Variants in PTPRN2 observed in about 807,000 individuals in gnomAD.
The protein encoded by PTPRN2 is protein tyrosine phosphatase receptor type N2, also known as receptor-type tyrosine-protein phosphatase N2.
In PTPRN2, 74 loss-of-function variants were observed where a neutral mutation model predicts 118.8. That is an observed-to-expected ratio of 0.62 (90% confidence interval 0.52 to 0.76). The LOEUF (loss-of-function observed/expected upper bound fraction) is 0.76, where lower values mean the gene tolerates loss of function less well. Ranked by LOEUF, PTPRN2 falls within the 30% of genes least tolerant of loss-of-function variation. The pLI, the probability that PTPRN2 is intolerant of heterozygous loss-of-function variation, is 0.00. For synonymous variants in PTPRN2, 641 were observed against 608.0 expected (o/e 1.05, Z -0.80); for missense variants, 1,481 against 1,394.4 (o/e 1.06, Z -0.99).
chr7:158,097,693 T>C (rs1244361577), intron 10 of PTPRN2, among the ~76,000 whole-genome samples: 1 of 152,156 alleles, frequency 6.6e-6, no homozygotes, highest in Non-Finnish European at 1.5e-5. Context: ...ACAGCCACAA[T>C]CACGTCGTAA....
At chr7:158,167,709 T>C (rs1823159081) in intron 5 of PTPRN2, among the ~76,000 whole-genome samples, 1 of 152,220 alleles carries the variant, frequency 6.6e-6, no homozygotes, top group South Asian at 2.1e-4. Context: ...TCAGTCTCTA[T>C]GGAGGAGTCT....
Position 157,925,787 on chromosome 7 carries a change from G to A in PTPRN2, c.1724-27050C>T, listed in dbSNP as rs981933530. 1.8e-4 allele frequency among the ~76,000 whole-genome samples: 27 copies of A among 146,772 alleles called. 1 individual carries two copies. Among genetic ancestry groups the A allele is most frequent in the Admixed American group, 6.7e-5 (1 of 15,024 alleles). ...TAGAGACGCGTCACAGAGAAACGAC[G>A]CTGAATCACCAGCCACCGAGACAAT... On this transcript the variant is annotated intron_variant, in intron 11 of 22. Coordinates refer to ENST00000389418, the MANE Select transcript of PTPRN2 (RefSeq NM_002847.5).
chr7:158,292,960 A>G (rs1459573010), intron 3 of PTPRN2, among the ~76,000 whole-genome samples: 1 of 151,992 alleles, frequency 6.6e-6, no homozygotes, highest in Non-Finnish European at 1.5e-5. Context: ...CCCAGCTACT[A>G]GGGAGGCTGA....
intron 12 of PTPRN2, chr7:157,738,918 G>C (rs1350265393): frequency 6.6e-6 from 1 of 152,238 alleles, no homozygotes; most frequent in Non-Finnish European, 1.5e-5. Flanking sequence ...AAAAGAGTCA[G>C]GAGAGAGGGG....
At chr7:158,306,872 T>G (rs10234124) in intron 3 of PTPRN2, among the ~76,000 whole-genome samples, 102,697 of 123,984 alleles carry the variant, frequency 0.83, 41,757 homozygotes, top group Middle Eastern at 0.9. Flanking sequence ...TTTTTTTTTT[T>G]TTTTTTTTTT....
chr7:157,992,085 C>G (rs990791110), intron 11 of PTPRN2, among the ~76,000 whole-genome samples: 3 of 152,206 alleles, frequency 2.0e-5, no homozygotes, highest in Non-Finnish European at 4.4e-5. Context: ...CTGGTGGTCC[C>G]CATGTGCCAC....
At position 158,370,318 on chromosome 7, in the gene PTPRN2, C is replaced by T. The variant is rs113509711; in HGVS notation, c.164-53386G>A. Among the ~76,000 whole-genome samples, 330 of 152,254 alleles carry T rather than the reference C, an allele frequency of 2.2e-3. 1 individual carries two copies. Among genetic ancestry groups the T allele is most frequent in the African/African-American group, 7.4e-3 (308 of 41,540 alleles). On this transcript the variant is annotated intron_variant, in intron 2 of 22. Transcript: ENST00000389418. ...CTAGGTATGGTGACACACCTGTAGT[C>T]CCAGTTACTCGAGAGGCTGAGGCAG...
At chr7:158,399,564 G>A (rs1812779939) in intron 2 of PTPRN2, among the ~76,000 whole-genome samples, 1 of 152,170 alleles carries the variant, frequency 6.6e-6, no homozygotes, top group African/African-American at 2.4e-5. Flanking sequence ...GCTGAGGCAG[G>A]AGGATTACTT....
chr7:158,107,128 G>C (rs1052494840), intron 10 of PTPRN2, among the ~76,000 whole-genome samples: 3 of 151,956 alleles, frequency 2.0e-5, no homozygotes, highest in African/African-American at 7.3e-5. Context: ...GCCCCACATC[G>C]CTGCTGCCCC....
chr7:158,116,527 C>A (rs1234948514), intron 9 of PTPRN2, among the ~76,000 whole-genome samples: 1 of 152,240 alleles, frequency 6.6e-6, no homozygotes, highest in African/African-American at 2.4e-5. Context: ...GAGCAGCCTG[C>A]ACACACTGGC....
rs1409072902 is a variant in PTPRN2 at position 157,576,600 on chromosome 7, C to CCG, written c.2783+11_2783+12dup. ...CAGCGCGCACTGCCCTGCCGGCGGG[C>CCG]CGCGCGTCATACCTGCGGAAGTCCA... On this transcript the variant is annotated intron_variant, in intron 19 of 22. Transcript: ENST00000389418. The CCG allele has an allele frequency of 1.9e-6, 3 of 1,600,042 alleles. No individual in the cohort carries two copies. The South Asian group carries it at 3.4e-5, about 18-fold the overall frequency.
rs189519101 is a variant in PTPRN2 at position 158,305,069 on chromosome 7, C to T, written c.277+11750G>A. Among the ~76,000 whole-genome samples, 308 of 152,280 alleles carry T rather than the reference C, an allele frequency of 2.0e-3. 1 individual carries two copies. Among genetic ancestry groups the T allele is most frequent in the African/African-American group, 7.0e-3 (291 of 41,544 alleles). ...CTTTGTCTGTCTTCACGCCTCTGTT[C>T]CAATGTTAACGCTGGTCAGCTGTGC... On this transcript the variant is annotated intron_variant, in intron 3 of 22. Transcript: ENST00000389418.
intron 11 of PTPRN2, among the ~76,000 whole-genome samples, chr7:157,899,858 T>C (rs1195750610): frequency 5.3e-5 from 8 of 152,128 alleles, no homozygotes; most frequent in African/African-American, 1.9e-4. Context: ...CAAAACTCCT[T>C]TAATACTTTA....
Position 158,587,741 on chromosome 7 carries a change from C to T in PTPRN2, c.-72G>A, listed in dbSNP as rs1829068873. ...CGGCGGGAGGCGGCCGAGTCCGGGCCCAGGGAGGCGCGCGCCGCCGGCTCC... is the reference window on the plus strand; with the variant it reads ...CGGCGGGAGGCGGCCGAGTCCGGGCTCAGGGAGGCGCGCGCCGCCGGCTCC... On this transcript the variant is annotated 5_prime_UTR_variant, in exon 1 of 23. Coordinates refer to ENST00000389418, the MANE Select transcript of PTPRN2 (RefSeq NM_002847.5). 7.3e-6 allele frequency: 8 copies of T among 1,098,332 alleles called. No individual in the cohort carries two copies. Among genetic ancestry groups the T allele is most frequent in the Admixed American group, 5.2e-5 (1 of 19,278 alleles). 68.0% of individuals were successfully genotyped at this position (1,098,332 alleles called of 1,614,324 possible). A position where few individuals can be genotyped will look rare whatever the true frequency, so the allele number is the denominator to read the frequency against.
At chr7:158,064,463 G>A (rs1428776362) in intron 11 of PTPRN2, among the ~76,000 whole-genome samples, 2 of 152,160 alleles carry the variant, frequency 1.3e-5, no homozygotes, top group African/African-American at 4.8e-5. Flanking sequence ...GGGGAGCCGG[G>A]GGAGCCTGGG....
chr7:158,075,502 C>A (rs368660254), intron 11 of PTPRN2, among the ~76,000 whole-genome samples: 1 of 152,216 alleles, frequency 6.6e-6, no homozygotes, highest in South Asian at 2.1e-4. Flanking sequence ...CTCCCCGCCC[C>A]CAACGCAGCA....
In PTPRN2 at chr7:157,770,447, G is replaced by A. The variant is rs550983986; in HGVS notation, c.1789-87510C>T. ...CCCACCTCTTTACGTTAAACCGGAGGCTTTCTGCTGTTGTCAGGCCCTGTG... is the reference window on the plus strand; with the variant it reads ...CCCACCTCTTTACGTTAAACCGGAGACTTTCTGCTGTTGTCAGGCCCTGTG... On this transcript the variant is annotated intron_variant, in intron 12 of 22. Transcript: ENST00000389418. 2.0e-5 allele frequency among the ~76,000 whole-genome samples: 3 copies of A among 152,304 alleles called. No individual in the cohort carries two copies. The South Asian group carries it at 6.2e-4, about 32-fold the overall frequency.
In PTPRN2 at chr7:158,189,099, C is replaced by T. The variant is rs1470913018; in HGVS notation, c.549+3228G>A. Among the ~76,000 whole-genome samples, 6 of 152,150 alleles carry T rather than the reference C, an allele frequency of 3.9e-5. No homozygotes were observed. The East Asian group carries it at 5.8e-4, about 15-fold the overall frequency. On this transcript the variant is annotated intron_variant, in intron 5 of 22. Transcript: ENST00000389418. ...GGATACCTCCCAATGGCTCATAGCACGAATTGCTCAATATCTACCAAAGAC... is the reference window on the plus strand; with the variant it reads ...GGATACCTCCCAATGGCTCATAGCATGAATTGCTCAATATCTACCAAAGAC...
chr7:157,958,165 T>G (rs1801299681), intron 11 of PTPRN2, among the ~76,000 whole-genome samples: 3 of 152,174 alleles, frequency 2.0e-5, no homozygotes, highest in Non-Finnish European at 4.4e-5. Context: ...TCATCTCAAC[T>G]GATCCAGAAA....
Sources: gnomAD v4.1 joint callset for allele counts (sites outside exome capture counted in the v4.1 genomes callset) on GRCh38, gnomAD v4.1.1 for gene constraint, MANE v1.5 for transcripts, NCBI Gene and HGNC (gene_info 2026-07-23, HGNC 2026-07-21) for gene names.